The following STAU2 variants were observed in gnomAD, a reference collection of about 807,000 sequenced individuals.
STAU2 encodes the protein double-stranded RNA-binding protein Staufen homolog 2.
STAU2 carries 20 observed loss-of-function variants against 65.9 expected under a neutral mutation model. The observed-to-expected ratio is 0.30, with a 90% CI of 0.21 to 0.44. STAU2 has a LOEUF of 0.44. STAU2 is among the 20% of genes least tolerant of loss of function. The pLI is 1.00. For missense variants in STAU2, 558 were observed against 683.9 expected, an observed-to-expected ratio of 0.82 and a Z score of 2.05; for synonymous variants, 232 against 233.9, an observed-to-expected ratio of 0.99 and a Z score of 0.07.
rs1265980875 is a variant in STAU2, at chr8:73,422,602, G to T, written c.1619+12C>A. On this transcript the variant is annotated intron_variant, in intron 14 of 14. Transcript: ENST00000524300. ...TTAAAAGTGTAAGAATACTGACAGG[G>T]GATTTACTCACTTTTCAAGAGAACC... 3 of 1,498,894 alleles carry T rather than the reference G, an allele frequency of 2.0e-6. No individual in the cohort carries two copies. The highest frequency in any genetic ancestry group is 4.7e-5 in the Admixed American group (2 of 43,004). The allele number at this position is 1,498,894 out of a possible 1,614,324, so 92.8% of individuals were successfully genotyped here. A position where few individuals can be genotyped will look rare whatever the true frequency, so the allele number is the denominator to read the frequency against.
At chr8:73,673,030 A>T in intron 6 of STAU2, 77 bp downstream of exon 6, 4 of 1,305,478 alleles carry the variant, frequency 3.1e-6, no homozygotes, top group Non-Finnish European at 4.0e-6. Flanking sequence ...CAATGAAAAT[A>T]CTCTTTTGAG....
At position 73,471,881 on chromosome 8, in the gene STAU2, T is replaced by C. The variant is rs571389520; in HGVS notation, c.1531-49179A>G. 2.0e-5 allele frequency among the ~76,000 whole-genome samples: 3 copies of C among 149,350 alleles called. No homozygotes were observed. In the South Asian group the frequency reaches 6.3e-4, roughly 32 times the overall value. The stretch of plus-strand genomic sequence containing the variant: ...AGAAGGAGAAGAAAGAAATTCACGT[T>C]AAGACGTAGGTAGGTTAGCACTCTC... On this transcript the variant is annotated intron_variant, in intron 13 of 14. Coordinates refer to ENST00000524300, the MANE Select transcript of STAU2 (RefSeq NM_001164380.2).
chr8:73,598,518 C>T (rs1263652271), intron 10 of STAU2, among the ~76,000 whole-genome samples: 6 of 152,044 alleles, frequency 3.9e-5, no homozygotes, highest in South Asian at 2.1e-4. Context: ...TGAGCCACCA[C>T]GCCCAGTAGA....
At chr8:73,505,489 C>T (rs1234110016) in intron 13 of STAU2, among the ~76,000 whole-genome samples, 1 of 152,012 alleles carries the variant, frequency 6.6e-6, no homozygotes, top group African/African-American at 2.4e-5. Context: ...AGGCTTGAGT[C>T]CAAGAGGACC....
intron 6 of STAU2, among the ~76,000 whole-genome samples, chr8:73,626,607 T>C (rs189976546): frequency 1.3e-5 from 2 of 152,272 alleles, no homozygotes; most frequent in South Asian, 2.1e-4. Context: ...CAAGAAAATA[T>C]AGGATTGCAG....
chr8:73,722,705 G>A lies in STAU2; in HGVS notation c.-17-13543C>T, dbSNP rs1282874515. Among the ~76,000 whole-genome samples the A allele has an allele frequency of 2.6e-5, 4 of 151,790 alleles. 1 individual carries two copies. The highest frequency in any genetic ancestry group is 1.3e-4 in the Admixed American group (2 of 15,214). ...TTTTCAGATTTTCTCTTTATCATTTGCTTTCAACAATTTGATTATAATGTA... is the reference window on the plus strand; with the variant it reads ...TTTTCAGATTTTCTCTTTATCATTTACTTTCAACAATTTGATTATAATGTA... On this transcript the variant is annotated intron_variant, in intron 3 of 14. Coordinates refer to ENST00000524300, the MANE Select transcript of STAU2 (RefSeq NM_001164380.2).
intron 5 of STAU2, among the ~76,000 whole-genome samples, chr8:73,673,487 C>T (rs974987722): frequency 2.0e-5 from 3 of 152,072 alleles, no homozygotes; most frequent in African/African-American, 7.2e-5. Context: ...GCAATCATTA[C>T]TATCAAAACA....
intron 5 of STAU2, among the ~76,000 whole-genome samples, chr8:73,680,312 C>T (rs1328160320): frequency 6.6e-6 from 1 of 152,024 alleles, no homozygotes; most frequent in Non-Finnish European, 1.5e-5. Context: ...GCAGACACTC[C>T]CCAATACCAG....
chr8:73,424,722 TCTTG>T (rs2128878907), intron 13 of STAU2, among the ~76,000 whole-genome samples: 1 of 151,828 alleles, frequency 6.6e-6, no homozygotes, highest in South Asian at 2.1e-4. Context: ...CTTTCTTCTC[TCTTG>T]CTTTTCTATT....
At chr8:73,574,665 C>G (rs1363928051) in intron 12 of STAU2, among the ~76,000 whole-genome samples, 1 of 152,104 alleles carries the variant, frequency 6.6e-6, no homozygotes, top group Non-Finnish European at 1.5e-5. Context: ...GGACAGAAAA[C>G]CAAACACTGC....
chr8:73,608,854 G>T (rs1352243724), intron 9 of STAU2, among the ~76,000 whole-genome samples: 2 of 151,738 alleles, frequency 1.3e-5, no homozygotes, highest in African/African-American at 4.8e-5. Flanking sequence ...GTCGGGCATG[G>T]TGGTGGGCAC....
chr8:73,469,450 A>G (rs1819851881), intron 13 of STAU2, among the ~76,000 whole-genome samples: 1 of 138,528 alleles, frequency 7.2e-6, no homozygotes, highest in Non-Finnish European at 1.5e-5. Flanking sequence ...AACTTAAAGT[A>G]TAATAAAATA....
intron 3 of STAU2, among the ~76,000 whole-genome samples, chr8:73,725,599 C>T (rs575675259): frequency 3.0e-4 from 46 of 152,298 alleles, no homozygotes; most frequent in African/African-American, 1.1e-3. Flanking sequence ...GAGTTCAAGA[C>T]CAGCCTGGCC....
chr8:73,467,653 T>G (rs1469440566), intron 13 of STAU2, among the ~76,000 whole-genome samples: 1 of 152,166 alleles, frequency 6.6e-6, no homozygotes, highest in Non-Finnish European at 1.5e-5. Flanking sequence ...GCAGAGAGCA[T>G]CAATAACTTG....
chr8:73,687,317 ATT>A (rs1334291156), intron 5 of STAU2, among the ~76,000 whole-genome samples: 14 of 119,372 alleles, frequency 1.2e-4, no homozygotes, highest in Admixed American at 5.5e-4. Flanking sequence ...TATAATTTAT[ATT>A]TATATTTATA....
chr8:73,574,585 G>A (rs1415207736), intron 12 of STAU2, among the ~76,000 whole-genome samples: 1 of 152,164 alleles, frequency 6.6e-6, no homozygotes, highest in Admixed American at 6.5e-5. Flanking sequence ...CATAAAAAAA[G>A]GATGACTTCA....
At chr8:73,685,340 G>C (rs1312407762) in intron 5 of STAU2, among the ~76,000 whole-genome samples, 1 of 151,678 alleles carries the variant, frequency 6.6e-6, no homozygotes, top group Non-Finnish European at 1.5e-5. Flanking sequence ...AAAAATAAAG[G>C]ATGTTGGCGT....
intron 6 of STAU2, among the ~76,000 whole-genome samples, chr8:73,628,240 A>AC (rs1813834548): frequency 6.8e-6 from 1 of 146,530 alleles, no homozygotes; most frequent in Admixed American, 6.8e-5. Context: ...TGCCTGGCTA[A>AC]TTTTTTTTTT....
At chr8:73,573,756 A>G (rs530888331) in intron 12 of STAU2, among the ~76,000 whole-genome samples, 13 of 152,356 alleles carry the variant, frequency 8.5e-5, no homozygotes, top group African/African-American at 3.1e-4. Context: ...AATTAATTCA[A>G]GATGGATTAA....
Sources: gnomAD v4.1 joint callset for allele counts (sites outside exome capture counted in the v4.1 genomes callset) on GRCh38, gnomAD v4.1.1 for gene constraint, MANE v1.5 for transcripts, NCBI Gene and HGNC (gene_info 2026-07-23, HGNC 2026-07-21) for gene names.